The following KDR variants were observed in gnomAD, a reference collection of about 807,000 sequenced individuals.
KDR encodes vascular endothelial growth factor receptor 2.
Under a neutral mutation model 160.9 loss-of-function variants are expected in KDR, and 43 were observed. The observed-to-expected ratio is 0.27, with a 90% CI of 0.21 to 0.34. KDR has a LOEUF of 0.34. Ranked by LOEUF, KDR falls within the 10% of genes least tolerant of loss-of-function variation. The pLI is 1.00. For synonymous variants in KDR, 617 were observed against 600.1 expected (o/e 1.03, Z -0.41); for missense variants, 1,469 against 1,666.4 (o/e 0.88, Z 2.06).
chr4:55,095,142 G>T (rs890055667), intron 20 of KDR, among the ~76,000 whole-genome samples, 187 bp from the exon 21 acceptor site: 1 of 152,090 alleles, frequency 6.6e-6, no homozygotes, highest in Non-Finnish European at 1.5e-5. Flanking sequence ...TGCATAATAG[G>T]GTTTCTTCCA....
chr4:55,083,887 G>C (rs1719796038), intron 27 of KDR, among the ~76,000 whole-genome samples: 1 of 152,162 alleles, frequency 6.6e-6, no homozygotes, highest in African/African-American at 2.4e-5. Context: ...GATACACAGG[G>C]TGCAAGCAAA....
Position 55,104,686 on chromosome 4 carries a change from C to T in KDR, c.1944G>A (p.Lys648=), listed in dbSNP as rs142392193. The T allele has an allele frequency of 5.0e-4, 800 of 1,613,806 alleles. 3 individuals carry two copies. The African/African-American group carries it at 0.01, about 20-fold the overall frequency. ...TGACCACGCAATGTCTTTTCTTGGT[C>T]TTCCTGTCTTGAGCAAGGCAGACAT... ...GDYVCLAQDR[K]TKKRHCVVRQ... Residue 648 remains lysine (K), a synonymous_variant, in exon 13 of 30, where the codon AAG becomes AAA. Transcript: ENST00000263923.
chr4:55,101,026 C>T (rs1406471197), intron 15 of KDR, among the ~76,000 whole-genome samples: 5 of 152,038 alleles, frequency 3.3e-5, no homozygotes, highest in Non-Finnish European at 5.9e-5. Context: ...AGATAAAAAC[C>T]AAAAATTTTC....
At chr4:55,089,161 C>T (rs1007500472) in intron 25 of KDR, among the ~76,000 whole-genome samples, 188 bp from the exon 26 acceptor site, 2 of 152,156 alleles carry the variant, frequency 1.3e-5, no homozygotes, top group Admixed American at 6.5e-5. Context: ...TTTAAAGCAA[C>T]ATCTAATAAA....
chr4:55,115,214 T>C, intron 4 of KDR, 67 bp downstream of exon 4: 2 of 1,383,284 alleles, frequency 1.4e-6, no homozygotes, highest in Middle Eastern at 1.8e-4. Context: ...TATAAACAGG[T>C]TACCCATCTT....
intron 13 of KDR, among the ~76,000 whole-genome samples, chr4:55,102,910 C>A (rs1363907815): frequency 6.6e-6 from 1 of 152,128 alleles, no homozygotes; most frequent in Non-Finnish European, 1.5e-5. Context: ...ACCAATAATG[C>A]CTTACATTTA....
At chr4:55,108,108 C>T (rs73816212) in intron 9 of KDR, among the ~76,000 whole-genome samples, 6,609 of 151,130 alleles carry the variant, frequency 0.044, 487 homozygotes, top group African/African-American at 0.15. Flanking sequence ...TGCCTGTAAT[C>T]TCAGTATTTT....
chr4:55,095,439 G>A (rs889423028), intron 20 of KDR, 138 bp downstream of exon 20: 4 of 699,044 alleles, frequency 5.7e-6, no homozygotes, highest in African/African-American at 5.3e-5. Flanking sequence ...AAAAGAGGAA[G>A]TTACAACAGC....
intron 3 of KDR, among the ~76,000 whole-genome samples, chr4:55,115,690 C>T (rs958818508): frequency 2.0e-5 from 3 of 151,996 alleles, no homozygotes; most frequent in East Asian, 3.9e-4. Flanking sequence ...ACTCCTTTCA[C>T]AAGGTTTATT....
intron 8 of KDR, 44 bp from the exon 9 acceptor site, chr4:55,110,610 G>T (rs1720555008): frequency 6.2e-7 from 1 of 1,611,474 alleles, no homozygotes; most frequent in African/African-American, 1.3e-5. Context: ...CAAAGGATTT[G>T]CTCTCACACG....
Position 55,095,071 on chromosome 4 carries a change from C to G in KDR, c.2818-116G>C. 3.0e-6 allele frequency: 3 copies of G among 996,726 alleles called. No homozygotes were observed. The East Asian group carries it at 7.7e-5, about 26-fold the overall frequency. The allele number at this position is 996,726 out of a possible 1,614,324, so 61.7% of individuals were successfully genotyped here. A position where few individuals can be genotyped will look rare whatever the true frequency, so the allele number is the denominator to read the frequency against. On this transcript the variant is annotated intron_variant, in intron 20 of 29. Transcript: ENST00000263923. ...ATAATTGAAACTACTAAAAAGCAGA[C>G]AAGGAGGACATCAATTTCAGGATTA...
chr4:55,106,988 T>G (rs998572621), intron 10 of KDR, among the ~76,000 whole-genome samples, 178 bp from the exon 11 acceptor site: 1 of 152,144 alleles, frequency 6.6e-6, no homozygotes, highest in African/African-American at 2.4e-5. Flanking sequence ...AAGGAAAAGG[T>G]TCTAGGTAGA....
intron 9 of KDR, among the ~76,000 whole-genome samples, 198 bp downstream of exon 9, chr4:55,110,205 C>T (rs936304301): frequency 3.3e-5 from 5 of 152,286 alleles, no homozygotes; most frequent in South Asian, 2.1e-4. Flanking sequence ...CTCATTTACA[C>T]GGCCTCTTAA....
rs1366052063 is a variant in KDR at position 55,125,241 on chromosome 4, C to G, written c.53G>C (p.Arg18Pro). ...GGGCTCCTTACCCACAGAGGCGGCC[C>G]GGGTCTCCACGCAGAGCCACAGGGC... is the stretch of plus-strand genomic sequence containing the variant. ...AVALWLCVET[R>P]AASVGLPSVS... The change falls in exon 1 of 30, where the codon CGG becomes CCG. Residue 18 changes from arginine to proline, a missense_variant. Transcript: ENST00000263923. The G allele has an allele frequency of 8.1e-6, 13 of 1,612,646 alleles. No individual in the cohort carries two copies. Among genetic ancestry groups the G allele is most frequent in the Non-Finnish European group, 1.0e-5 (12 of 1,179,654 alleles).
At chr4:55,083,261 G>A (rs984545405) in intron 27 of KDR, among the ~76,000 whole-genome samples, 2 of 152,108 alleles carry the variant, frequency 1.3e-5, no homozygotes, top group African/African-American at 2.4e-5. Context: ...AGAATAACAA[G>A]ATATTTTGCC....
chr4:55,101,355 AC>A, intron 15 of KDR, among the ~76,000 whole-genome samples: 1 of 152,358 alleles, frequency 6.6e-6, no homozygotes, highest in South Asian at 2.1e-4. Context: ...TTAAAAGAAT[AC>A]ATACTCACTG....
At chr4:55,101,109 T>A (rs1007061289) in intron 15 of KDR, among the ~76,000 whole-genome samples, 1 of 152,188 alleles carries the variant, frequency 6.6e-6, no homozygotes, top group Non-Finnish European at 1.5e-5. Context: ...AAACTCGGAA[T>A]CCTTGTGACT....
Position 55,080,458 on chromosome 4 carries a change from A to G in KDR, c.3849-295T>C, listed in dbSNP as rs995862463. ...ATGCAAAGGCCCCAACTGATGGAAC[A>G]TGTTTATGGCCTCGCAGATTGACAA... is the stretch of plus-strand genomic sequence containing the variant. On this transcript the variant is annotated intron_variant, in intron 29 of 29. Coordinates refer to ENST00000263923, the MANE Select transcript of KDR (RefSeq NM_002253.4). Among the ~76,000 whole-genome samples the G allele has an allele frequency of 1.4e-4, 20 of 148,050 alleles. 1 individual carries two copies. The highest frequency in any genetic ancestry group is 1.1e-3 in the Admixed American group (16 of 15,194).
At chr4:55,121,025 T>C (rs1192893257) in intron 2 of KDR, 72 bp downstream of exon 2, 2 of 1,060,344 alleles carry the variant, frequency 1.9e-6, no homozygotes, top group Non-Finnish European at 2.9e-6. Flanking sequence ...TCTGCTCTAC[T>C]GGAAATTATT....
Sources: allele counts gnomAD v4.1 joint callset (sites outside exome capture counted in the v4.1 genomes callset), GRCh38; gene constraint gnomAD v4.1.1; transcripts MANE v1.5; gene names NCBI Gene and HGNC (gene_info 2026-07-23, HGNC 2026-07-21).